The following SYNE3 variants were observed in gnomAD, a reference collection of about 807,000 sequenced individuals.
SYNE3 encodes the protein nesprin-3.
Under a neutral mutation model 111.2 loss-of-function variants are expected in SYNE3, and 100 were observed. The observed-to-expected ratio is 0.90, with a 90% confidence interval of 0.77 to 1.06. The LOEUF (loss-of-function observed/expected upper bound fraction) is 1.06, where lower values mean the gene tolerates loss of function less well. Ranked by LOEUF, SYNE3 falls within the 50% of genes least tolerant of loss-of-function variation. The probability of loss-of-function intolerance (pLI) is 0.00; values close to 1 mark genes in which losing one functional copy is unlikely to be tolerated. For missense variants in SYNE3, 1,160 were observed against 1,240.3 expected (o/e 0.94, Z 0.97); for synonymous variants, 547 against 533.9 (o/e 1.02, Z -0.34).
At chr14:95,468,987 G>A (rs1390081645) in intron 2 of SYNE3, among the ~76,000 whole-genome samples, 1 of 152,110 alleles carries the variant, frequency 6.6e-6, no homozygotes, top group Non-Finnish European at 1.5e-5. Context: ...CATTCTCTAG[G>A]CCTAAGAATG....
chr14:95,503,771 G>A (rs941454494), intron 1 of SYNE3, among the ~76,000 whole-genome samples: 4 of 151,794 alleles, frequency 2.6e-5, no homozygotes, highest in South Asian at 2.1e-4. Flanking sequence ...GGCATGGGCC[G>A]CCATGCTGGG....
At chr14:95,458,094 A>C (rs1887578251) in intron 4 of SYNE3, among the ~76,000 whole-genome samples, 1 of 152,136 alleles carries the variant, frequency 6.6e-6, no homozygotes, top group Non-Finnish European at 1.5e-5. Flanking sequence ...ATTTGGAAAA[A>C]CAGTGGTGTC....
At chr14:95,457,029 G>T (rs1887487481) in intron 5 of SYNE3, 148 bp downstream of exon 5, 5 of 1,096,018 alleles carry the variant, frequency 4.6e-6, no homozygotes, top group Middle Eastern at 2.4e-4. Context: ...AGCTTGCAGT[G>T]AGCTGAGATC....
At chr14:95,438,843 G>A in intron 14 of SYNE3, 190 bp downstream of exon 14, 1 of 719,740 alleles carries the variant, frequency 1.4e-6, no homozygotes, top group Non-Finnish European at 2.2e-6. Flanking sequence ...GATCTCTGAG[G>A]TCCTCTGTGG....
At chr14:95,442,116 G>C (rs572193046) in intron 11 of SYNE3, among the ~76,000 whole-genome samples, 19 of 152,326 alleles carry the variant, frequency 1.2e-4, no homozygotes, top group African/African-American at 4.6e-4. Context: ...CACCCTTTGT[G>C]TAAGTGGATG....
chr14:95,499,112 C>G (rs1481668150), intron 1 of SYNE3, among the ~76,000 whole-genome samples: 2 of 152,152 alleles, frequency 1.3e-5, no homozygotes, highest in African/African-American at 4.8e-5. Context: ...GTGCCTGGGC[C>G]CTTGACTGGC....
intron 1 of SYNE3, among the ~76,000 whole-genome samples, chr14:95,498,130 T>C (rs72692801): frequency 3.9e-5 from 6 of 151,982 alleles, no homozygotes; most frequent in Admixed American, 3.9e-4. Context: ...CAATTTTTTT[T>C]AAAAAAATTA....
intron 1 of SYNE3, among the ~76,000 whole-genome samples, chr14:95,492,905 A>G (rs1889916991): frequency 6.6e-6 from 1 of 152,178 alleles, no homozygotes; most frequent in Non-Finnish European, 1.5e-5. Context: ...TGTATATTAT[A>G]TGAATTATAT....
Position 95,411,366 on chromosome 14 carries a change from T to C in SYNE3, c.*6460A>G, listed in dbSNP as rs1303733243. 1 of 151,492 alleles carries C rather than the reference T, an allele frequency of 6.6e-6. No homozygotes were observed. Among genetic ancestry groups the C allele is most frequent in the Non-Finnish European group, 1.5e-5 (1 of 67,912 alleles). 9.4% of individuals were successfully genotyped at this position (151,492 alleles called of 1,614,324 possible). A position where few individuals can be genotyped will look rare whatever the true frequency, so the allele number is the denominator to read the frequency against. On this transcript the variant is annotated 3_prime_UTR_variant, in exon 18 of 18. Coordinates refer to ENST00000682763, the MANE Select transcript of SYNE3 (RefSeq NM_152592.6). ...AGAAAAGGAGACCAGAATTGAGAGC[T>C]TTCTGAGAGGGCTGGTACAGGTGTA...
In SYNE3 at chr14:95,485,785, C is replaced by T. The variant is rs754191811; in HGVS notation, c.-14-9950G>A. 1.3e-5 allele frequency among the ~76,000 whole-genome samples: 2 copies of T among 152,120 alleles called. No homozygotes were observed. The highest frequency in any genetic ancestry group is 4.8e-5 in the African/African-American group (2 of 41,414). On this transcript the variant is annotated intron_variant, in intron 1 of 17. Transcript: ENST00000682763. This position sits in a 1 kb window ranked among gnomAD's most constrained non-coding sequence, Gnocchi z 4.3. Reference sequence around the variant, plus strand: ...GCAGACATCCATCTCAGCCTGGATCCCACTGGACTATAAATATCTGTCCCC... The same window carrying T: ...GCAGACATCCATCTCAGCCTGGATCTCACTGGACTATAAATATCTGTCCCC...
At chr14:95,511,482 C>T (rs1439959907) in intron 1 of SYNE3, among the ~76,000 whole-genome samples, 1 of 152,062 alleles carries the variant, frequency 6.6e-6, no homozygotes, top group Non-Finnish European at 1.5e-5. Flanking sequence ...GGGTGGATCA[C>T]GAGGTCAGGA....
At position 95,440,087 on chromosome 14, in the gene SYNE3, C is replaced by A; in HGVS notation, c.1912-12G>T. On this transcript the variant is annotated splice_polypyrimidine_tract_variant and intron_variant, in intron 11 of 17. Coordinates refer to ENST00000682763, the MANE Select transcript of SYNE3 (RefSeq NM_152592.6). ...CTGTCCACAAGGTCCTGCAGCACAG[C>A]CCGGGGAGCCCAGGGCATCCTGAGT... 1.9e-6 allele frequency: 3 copies of A among 1,586,518 alleles called. No homozygotes were observed. The highest frequency in any genetic ancestry group is 1.1e-5 in the South Asian group (1 of 89,792).
rs186722007 is a variant in SYNE3 at position 95,429,560 on chromosome 14, G to A, written c.2727+2519C>T. Among the ~76,000 whole-genome samples the A allele has an allele frequency of 7.6e-3, 1,165 of 152,320 alleles. 10 individuals carry two copies. The highest frequency in any genetic ancestry group is 0.02 in the Middle Eastern group (6 of 294). On this transcript the variant is annotated intron_variant, in intron 17 of 17. Transcript: ENST00000682763. ...CTGTCCTATAAATGAGCCACAGATG[G>A]TCTCCGTGTAGTGGCCCCCATGTTG... is the stretch of plus-strand genomic sequence containing the variant.
intron 1 of SYNE3, among the ~76,000 whole-genome samples, chr14:95,484,621 G>T (rs1388750627): frequency 6.6e-6 from 1 of 152,196 alleles, no homozygotes; most frequent in Non-Finnish European, 1.5e-5. Flanking sequence ...AATGCAGCGG[G>T]GTTGGTACTG....
intron 9 of SYNE3, among the ~76,000 whole-genome samples, 178 bp from the exon 10 acceptor site, chr14:95,444,806 G>T (rs1019196758): frequency 1.3e-5 from 2 of 152,160 alleles, no homozygotes; most frequent in African/African-American, 4.8e-5. Flanking sequence ...TCTCCTTAGG[G>T]TCACTACAGC....
intron 17 of SYNE3, among the ~76,000 whole-genome samples, chr14:95,426,349 G>A (rs1275692104): frequency 6.6e-6 from 1 of 152,150 alleles, no homozygotes; most frequent in Non-Finnish European, 1.5e-5. Context: ...GTTGTGACCA[G>A]GGAAGAAGCA....
chr14:95,444,672 T>G lies in SYNE3; in HGVS notation c.1633-44A>C, dbSNP rs754491640. Reference sequence around the variant, plus strand: ...GTGTGCACATTAAGAGCGTTCCTCATGAGCACCGTGTTGTGAGACCCGACC... The same window carrying G: ...GTGTGCACATTAAGAGCGTTCCTCAGGAGCACCGTGTTGTGAGACCCGACC... On this transcript the variant is annotated intron_variant, in intron 9 of 17. Transcript: ENST00000682763. 4 of 1,520,768 alleles carry G rather than the reference T, an allele frequency of 2.6e-6. No individual in the cohort carries two copies. In the Admixed American group the frequency reaches 8.3e-5, roughly 32 times the overall value. 94.2% of individuals were successfully genotyped at this position (1,520,768 alleles called of 1,614,324 possible).
intron 17 of SYNE3, among the ~76,000 whole-genome samples, chr14:95,421,413 T>C (rs111874026): frequency 0.017 from 2,546 of 152,192 alleles, 77 homozygotes; most frequent in African/African-American, 0.057. Flanking sequence ...TCTTCTACCA[T>C]TGGTGAAAGG....
intron 1 of SYNE3, among the ~76,000 whole-genome samples, chr14:95,512,904 A>T (rs1890773911): frequency 6.6e-6 from 1 of 152,098 alleles, no homozygotes; most frequent in African/African-American, 2.4e-5. Context: ...AATAACACTC[A>T]CAAGCCTACC....
Sources: allele counts gnomAD v4.1 joint callset (sites outside exome capture counted in the v4.1 genomes callset), GRCh38; gene constraint gnomAD v4.1.1; non-coding constraint Gnocchi (gnomAD v3.1); transcripts MANE v1.5; gene names NCBI Gene and HGNC (gene_info 2026-07-23, HGNC 2026-07-21).